Variants in DNAH10 observed in about 807,000 individuals in gnomAD.
DNAH10 encodes axonemal beta dynein heavy chain 10.
DNAH10 carries 348 observed loss-of-function variants against 506.6 expected under a neutral mutation model. The ratio of observed to expected loss-of-function variants is 0.69; its 90% CI spans 0.63 to 0.75. The LOEUF (loss-of-function observed/expected upper bound fraction) is 0.75, where lower values mean the gene tolerates loss of function less well. Among genes scored for constraint, DNAH10 ranks in the 30% least tolerant of loss-of-function variants. The pLI, the probability that DNAH10 is intolerant of heterozygous loss-of-function variation, is 0.00. For missense variants in DNAH10, 5,179 were observed against 5,787.1 expected (o/e 0.89, Z 3.41); for synonymous variants, 2,059 against 2,198.6 (o/e 0.94, Z 1.78).
At chr12:123,859,056 A>G (rs1951510192) in intron 37 of DNAH10, 94 bp from the exon 38 acceptor site, 1 of 1,180,666 alleles carries the variant, frequency 8.5e-7, no homozygotes, top group African/African-American at 1.5e-5. Flanking sequence ...TACCCTTTCA[A>G]AGGTAAATTG....
rs1378487324 is a variant in DNAH10, at chr12:123,916,675, G to C, written c.10941G>C (p.Lys3647Asn). 11 of 1,613,878 alleles carry C rather than the reference G, an allele frequency of 6.8e-6. No individual in the cohort carries two copies. The South Asian group carries it at 1.2e-4, about 18-fold the overall frequency. ...DSNFRLYLNT[K>N]LANPRYSPSV... Reference sequence around the variant, plus strand: ...ATTTCAGACTGTACCTGAACACCAAGCTGGCCAATCCCAGATATTCCCCAT... The same window carrying C: ...ATTTCAGACTGTACCTGAACACCAACCTGGCCAATCCCAGATATTCCCCAT... Residue 3647 changes from lysine (K) to asparagine (N), a missense_variant, in exon 63 of 79, where the codon AAG becomes AAC. Lys to Asn is a moderately conservative substitution (Grantham distance 94). Transcript: ENST00000673944. The surrounding 1 kb of genome is among the most constrained non-coding windows in gnomAD (Gnocchi z 4.6).
chr12:123,822,057 C>A (rs1204604994), intron 24 of DNAH10, among the ~76,000 whole-genome samples: 1 of 152,118 alleles, frequency 6.6e-6, no homozygotes, highest in African/African-American at 2.4e-5. Context: ...AAATACAAAA[C>A]TTAGCCAGAT....
Position 123,925,316 on chromosome 12 carries a change from G to A in DNAH10, c.11921+112G>A, listed in dbSNP as rs1025286985. ...CTGACCAGCTCCCGAGACAGCTGTC[G>A]CCACCCTGCTGTACAATATTCGATA... is the stretch of plus-strand genomic sequence containing the variant. On this transcript the variant is annotated intron_variant, in intron 68 of 78. Coordinates refer to ENST00000673944, the MANE Select transcript of DNAH10 (RefSeq NM_001372106.1). The surrounding 1 kb of genome is among the most constrained non-coding windows in gnomAD (Gnocchi z 4.0). 5.7e-6 allele frequency: 8 copies of A among 1,392,312 alleles called. 1 individual carries two copies. The South Asian group carries it at 6.4e-5, about 11-fold the overall frequency. 86.2% of individuals were successfully genotyped at this position (1,392,312 alleles called of 1,614,324 possible).
In DNAH10 at chr12:123,814,677, T is replaced by C. The variant is rs187328398; in HGVS notation, c.3780+765T>C. On this transcript the variant is annotated intron_variant, in intron 21 of 78. Transcript: ENST00000673944. ...TCGCCCAGGCTGGAGTGCAGTGGCA[T>C]GATCTCGGCTCACTGCAAGCTCCGC... 1.2e-3 allele frequency among the ~76,000 whole-genome samples: 178 copies of C among 149,336 alleles called. 1 individual carries two copies. Among genetic ancestry groups the C allele is most frequent in the African/African-American group, 3.4e-3 (136 of 40,196 alleles).
intron 2 of DNAH10, among the ~76,000 whole-genome samples, chr12:123,770,314 T>G (rs968239228): frequency 6.6e-6 from 1 of 151,896 alleles, no homozygotes; most frequent in African/African-American, 2.4e-5. Context: ...CAGGCTGGTC[T>G]CAAACTCCTG....
intron 73 of DNAH10, 30 bp from the exon 74 acceptor site, chr12:123,931,311 T>C: frequency 6.2e-7 from 1 of 1,611,438 alleles, no homozygotes; most frequent in Non-Finnish European, 8.5e-7. Flanking sequence ...GGCTGGACAG[T>C]GCCACCTCCG....
intron 65 of DNAH10, among the ~76,000 whole-genome samples, chr12:123,921,293 T>A (rs1954710449): frequency 1.3e-5 from 2 of 152,188 alleles, no homozygotes; most frequent in Admixed American, 1.3e-4. Context: ...TGGAACCAAG[T>A]GAGAAAAGAA....
At chr12:123,823,821 A>G (rs1012903243) in intron 24 of DNAH10, among the ~76,000 whole-genome samples, 3 of 152,122 alleles carry the variant, frequency 2.0e-5, no homozygotes, top group Non-Finnish European at 4.4e-5. Context: ...TCACCCTGCC[A>G]TGCTATCAAA....
At chr12:123,878,546 T>G (rs1198053034) in intron 48 of DNAH10, among the ~76,000 whole-genome samples, 2 of 152,192 alleles carry the variant, frequency 1.3e-5, no homozygotes, top group Non-Finnish European at 1.5e-5. Context: ...TGACGGTTCT[T>G]TGCTAGAATG....
At chr12:123,826,624 G>C (rs916347395) in intron 24 of DNAH10, 63 bp from the exon 25 acceptor site, 3 of 1,458,666 alleles carry the variant, frequency 2.1e-6, no homozygotes, top group Non-Finnish European at 2.8e-6. Context: ...TCAAGAACTT[G>C]CTCTCCTTGT....
Position 123,787,901 on chromosome 12 carries a change from G to T in DNAH10, c.1519G>T (p.Ala507Ser), listed in dbSNP as rs1178872829. 6 of 1,612,928 alleles carry T rather than the reference G, an allele frequency of 3.7e-6. No individual in the cohort carries two copies. In the South Asian group the frequency reaches 5.5e-5, roughly 15 times the overall value. Residue 507 changes from alanine to serine, a missense_variant, in exon 10 of 79, where the codon GCT (alanine) becomes TCT (serine). By Grantham distance (99) the Ala-to-Ser change is moderately conservative. Coordinates refer to ENST00000673944, the MANE Select transcript of DNAH10 (RefSeq NM_001372106.1). The surrounding 1 kb of genome is among the most constrained non-coding windows in gnomAD (Gnocchi z 4.6). ...AYFDTRAKIE[A>S]SGREDRWEFD... ...TTTTGACACCCGGGCCAAGATAGAG[G>T]CTTCGGGGAGGGAAGATCGGTGGGA...
intron 52 of DNAH10, among the ~76,000 whole-genome samples, 162 bp downstream of exon 52, chr12:123,887,475 C>T (rs1208618262): frequency 1.3e-5 from 2 of 152,180 alleles, no homozygotes; most frequent in Non-Finnish European, 2.9e-5. Flanking sequence ...CATTATCTTC[C>T]TTGGCTCCTC....
Position 123,848,897 on chromosome 12 carries a change from G to A in DNAH10, c.6102+15G>A, listed in dbSNP as rs781293500. On this transcript the variant is annotated intron_variant, in intron 34 of 78. Transcript: ENST00000673944. ...CCACGTTCCAGGTGAGACACATGAA[G>A]CCCCCGGGACCATGTCCCTAGGATG... The A allele has an allele frequency of 1.9e-6, 3 of 1,612,494 alleles. No homozygotes were observed. The South Asian group carries it at 3.3e-5, about 18-fold the overall frequency.
At chr12:123,930,624 G>A in intron 73 of DNAH10, 51 bp downstream of exon 73, 3 of 1,580,642 alleles carry the variant, frequency 1.9e-6, no homozygotes, top group Non-Finnish European at 2.6e-6. Flanking sequence ...TTCTAAGGGA[G>A]ACCATACATT....
intron 24 of DNAH10, among the ~76,000 whole-genome samples, chr12:123,822,533 C>G (rs1959521825): frequency 6.6e-6 from 1 of 152,164 alleles, no homozygotes; most frequent in African/African-American, 2.4e-5. Context: ...TATATCTAAT[C>G]TACATCTGTA....
At position 123,846,076 on chromosome 12, in the gene DNAH10, C is replaced by T. The variant is rs543140648; in HGVS notation, c.5736C>T (p.Tyr1912=). 80 of 1,613,998 alleles carry T rather than the reference C, an allele frequency of 5.0e-5. No homozygotes were observed. Among genetic ancestry groups the T allele is most frequent in the Middle Eastern group, 1.6e-4 (1 of 6,062 alleles). Residue 1912 remains tyrosine, a synonymous_variant, in exon 32 of 79, where the codon TAC becomes TAT. Coordinates refer to ENST00000673944, the MANE Select transcript of DNAH10 (RefSeq NM_001372106.1). The surrounding 1 kb of genome is among the most constrained non-coding windows in gnomAD (Gnocchi z 4.5). Reference sequence around the variant, plus strand: ...GCCAGTGCACGGGAACCTTTGGCTACGGCTACGAGTACATGGGCCTGAACG... The same window carrying T: ...GCCAGTGCACGGGAACCTTTGGCTATGGCTACGAGTACATGGGCCTGAACG... ...NIRQCTGTFG[Y]GYEYMGLNGR...
At position 123,893,419 on chromosome 12, in the gene DNAH10, G is replaced by C; in HGVS notation, c.9182G>C (p.Trp3061Ser). The change falls in exon 53 of 79, where the codon TGG becomes TCG. Residue 3061 changes from tryptophan (W) to serine (S), a missense_variant. Around this residue, in one of 3 missense-constraint regions of DNAH10, gnomAD observed 4,844 missense variants for 5,430.5 expected, o/e 0.89. Coordinates refer to ENST00000673944, the MANE Select transcript of DNAH10 (RefSeq NM_001372106.1). ...MSPVGDTLRTWCRNFPGMVNN... is the reference protein window; with the variant it reads ...MSPVGDTLRTSCRNFPGMVNN... ...CCAGTGGGGGACACCCTGAGGACCT[G>C]GTGCAGAAACTTCCCAGGTACCCGC... 1.2e-6 allele frequency: 2 copies of C among 1,612,750 alleles called. No homozygotes were observed. The highest frequency in any genetic ancestry group is 1.3e-5 in the African/African-American group (1 of 75,006).
chr12:123,898,882 G>A (rs541571715), intron 56 of DNAH10, 68 bp downstream of exon 56: 15 of 1,498,576 alleles, frequency 1.0e-5, no homozygotes, highest in African/African-American at 4.2e-5. Context: ...GAGTGAGGGC[G>A]GGGCCAGGGC....
In DNAH10 at chr12:123,848,034, T is replaced by C; in HGVS notation, c.5888T>C (p.Leu1963Pro). The change falls in exon 33 of 79, where the codon CTG (leucine) becomes CCG (proline). Residue 1963 changes from leucine to proline, a missense_variant. Leu to Pro is a moderately conservative substitution (Grantham distance 98). Coordinates refer to ENST00000673944, the MANE Select transcript of DNAH10 (RefSeq NM_001372106.1). ...GTGKTETTKD[L>P]AKALGLLCVV... The stretch of plus-strand genomic sequence containing the variant: ...GGCAAAACCGAGACCACCAAGGACC[T>C]GGCGAAAGCCTTGGGCTTGCTCTGT... 1 of 1,613,972 alleles carries C rather than the reference T, an allele frequency of 6.2e-7. No homozygotes were observed. Among genetic ancestry groups the C allele is most frequent in the South Asian group, 1.1e-5 (1 of 91,070 alleles).
Sources: allele counts gnomAD v4.1 joint callset (sites outside exome capture counted in the v4.1 genomes callset), GRCh38; gene constraint gnomAD v4.1.1; regional missense constraint gnomAD v4.1.1; non-coding constraint Gnocchi (gnomAD v3.1); transcripts MANE v1.5; gene names NCBI Gene and HGNC (gene_info 2026-07-23, HGNC 2026-07-21).